Variants in FAR2 observed in about 807,000 individuals in gnomAD.
FAR2 encodes the protein fatty acyl-CoA reductase 2, also known as epididymis secretory protein Li 81.
In FAR2, 19 loss-of-function variants were observed where a neutral mutation model predicts 56.0. The observed-to-expected ratio is 0.34, with a 90% confidence interval of 0.24 to 0.50. The LOEUF (loss-of-function observed/expected upper bound fraction) is 0.50. Among genes scored for constraint, FAR2 ranks in the 20% least tolerant of loss-of-function variants. FAR2 has a pLI of 0.98. For synonymous variants in FAR2, 219 were observed against 218.8 expected (o/e 1.00, Z -0.01); for missense variants, 508 against 642.2 (o/e 0.79, Z 2.26).
intron 1 of FAR2, chr12:29,172,129 A>G (rs572947260): frequency 7.0e-6 from 1 of 142,922 alleles, no homozygotes; most frequent in East Asian, 2.1e-4. Flanking sequence ...GCCACCAACC[A>G]TCTGGGATGT....
intron 6 of FAR2, chr12:29,309,677 T>A (rs891498510): frequency 1.3e-5 from 2 of 152,812 alleles, no homozygotes; most frequent in African/African-American, 4.8e-5. Context: ...CAATAATTTT[T>A]AATGAATACA....
intron 10 of FAR2, chr12:29,331,700 T>A (rs1406246550): frequency 6.6e-6 from 1 of 152,136 alleles, no homozygotes; most frequent in African/African-American, 2.4e-5. Flanking sequence ...AAGAATGACC[T>A]ATCAGGTTTC....
At chr12:29,333,216 C>T (rs1342019461) in intron 11 of FAR2, 1 of 286,160 alleles carries the variant, frequency 3.5e-6, no homozygotes, top group Non-Finnish European at 6.8e-6. Flanking sequence ...AGCAGAGGAT[C>T]TGTAGTGCAG....
At chr12:29,238,457 TAAA>T (rs1947975544) in intron 1 of FAR2, among the ~76,000 whole-genome samples, 1 of 152,048 alleles carries the variant, frequency 6.6e-6, no homozygotes, top group Non-Finnish European at 1.5e-5. Context: ...TTTTAAATAA[TAAA>T]TAAATATTTT....
intron 1 of FAR2, among the ~76,000 whole-genome samples, chr12:29,186,858 G>A (rs1478854063): frequency 2.6e-5 from 4 of 151,868 alleles, no homozygotes; most frequent in South Asian, 4.2e-4. Context: ...GCGCAATCTC[G>A]GCTCACTGTA....
chr12:29,188,319 C>T (rs1950064090), intron 1 of FAR2, among the ~76,000 whole-genome samples: 1 of 152,106 alleles, frequency 6.6e-6, no homozygotes, highest in South Asian at 2.1e-4. Flanking sequence ...AGCTTTTCTG[C>T]CCTTAATTTT....
chr12:29,295,801 G>A (rs1435893566), intron 3 of FAR2, among the ~76,000 whole-genome samples: 3 of 113,786 alleles, frequency 2.6e-5, no homozygotes, highest in Admixed American at 1.3e-4. Flanking sequence ...TCGCTCTGTC[G>A]CCCAGGCCGG....
chr12:29,309,079 G>A lies in FAR2; in HGVS notation c.724-107G>A. ...CTGAATTAGATAGTTCTATTGGCTG[G>A]GATCTCAGTGCTCTTGTTTGAAATT... On this transcript the variant is annotated intron_variant, in intron 5 of 11. Transcript: ENST00000536681. The A allele has an allele frequency of 3.8e-6, 3 of 781,890 alleles. No homozygotes were observed. In the South Asian group the frequency reaches 4.3e-5, roughly 11 times the overall value. The allele number at this position is 781,890 out of a possible 1,614,324, so 48.4% of individuals were successfully genotyped here. A position where few individuals can be genotyped will look rare whatever the true frequency, so the allele number is the denominator to read the frequency against.
intron 1 of FAR2, among the ~76,000 whole-genome samples, chr12:29,150,931 T>C (rs1251380968): frequency 6.6e-6 from 1 of 152,246 alleles, no homozygotes; most frequent in African/African-American, 2.4e-5. Context: ...AATGAAAATA[T>C]GCTTTCCTTA....
intron 8 of FAR2, among the ~76,000 whole-genome samples, chr12:29,314,972 C>T (rs2136798037): frequency 6.6e-6 from 1 of 152,066 alleles, no homozygotes; most frequent in East Asian, 1.9e-4. Context: ...TGATTACCTG[C>T]CAGCCACTTT....
At chr12:29,332,769 G>C (rs180724609) in intron 11 of FAR2, 42 bp downstream of exon 11, 1 of 1,561,044 alleles carries the variant, frequency 6.4e-7, no homozygotes, top group Non-Finnish European at 8.8e-7. Context: ...AGCACCTACT[G>C]TGCATCGACT....
intron 1 of FAR2, among the ~76,000 whole-genome samples, chr12:29,208,827 G>T (rs1216096837): frequency 6.6e-6 from 1 of 152,104 alleles, no homozygotes; most frequent in Non-Finnish European, 1.5e-5. Flanking sequence ...ACCTAGAATT[G>T]GACTAATGAG....
intron 2 of FAR2, among the ~76,000 whole-genome samples, chr12:29,285,990 A>G (rs1355922968): frequency 6.6e-6 from 1 of 152,086 alleles, no homozygotes; most frequent in Non-Finnish European, 1.5e-5. Context: ...TGATTTTGGC[A>G]TACATTTTGT....
intron 1 of FAR2, among the ~76,000 whole-genome samples, chr12:29,170,757 TCTCTC>T: frequency 6.8e-5 from 1 of 14,718 alleles, no homozygotes; most frequent in East Asian, 0.019. Flanking sequence ...TTCCTCTCTC[TCTCTC>T]TCTCTCTCTG....
intron 1 of FAR2, chr12:29,171,275 G>A (rs1949882703): frequency 6.5e-6 from 1 of 152,734 alleles, no homozygotes; most frequent in Non-Finnish European, 1.5e-5. Context: ...CTGGCCCAGA[G>A]AACCTTTGTC....
At chr12:29,187,693 CA>C (rs1387346041) in intron 1 of FAR2, among the ~76,000 whole-genome samples, 1 of 152,088 alleles carries the variant, frequency 6.6e-6, no homozygotes, top group African/African-American at 2.4e-5. Context: ...TTTCCTCCAC[CA>C]AAATAGAGAG....
chr12:29,269,968 C>T (rs1948586787), intron 1 of FAR2, among the ~76,000 whole-genome samples: 2 of 152,222 alleles, frequency 1.3e-5, no homozygotes, highest in South Asian at 4.1e-4. Context: ...TTTGCCCTTG[C>T]TCTTTCCTTG....
At chr12:29,235,226 G>A (rs1947921535) in intron 1 of FAR2, among the ~76,000 whole-genome samples, 1 of 152,108 alleles carries the variant, frequency 6.6e-6, no homozygotes, top group Non-Finnish European at 1.5e-5. Flanking sequence ...TTTAGCAGTG[G>A]GACAGATGTT....
chr12:29,193,220 A>G (rs1267664574), intron 1 of FAR2, among the ~76,000 whole-genome samples: 3 of 152,184 alleles, frequency 2.0e-5, no homozygotes, highest in Admixed American at 6.5e-5. Context: ...TATATTTGTT[A>G]TACTGGTGAA....
Sources: allele counts gnomAD v4.1 joint callset (sites outside exome capture counted in the v4.1 genomes callset), GRCh38; gene constraint gnomAD v4.1.1; transcripts MANE v1.5; gene names NCBI Gene and HGNC (gene_info 2026-07-23, HGNC 2026-07-21).